The following THSD7A variants were observed in gnomAD, a reference collection of about 807,000 sequenced individuals.
THSD7A encodes the protein thrombospondin type 1 domain containing 7A.
In THSD7A, 96 loss-of-function variants were observed where a neutral mutation model predicts 231.3. The observed-to-expected ratio is 0.41, with a 90% CI of 0.35 to 0.49. The LOEUF is 0.49. THSD7A is among the 20% of genes least tolerant of loss of function. THSD7A has a pLI of 0.05. For synonymous variants in THSD7A, 940 were observed against 743.3 expected (o/e 1.26, Z -4.30); for missense variants, 2,290 against 2,070.2 (o/e 1.11, Z -2.06).
intron 4 of THSD7A, among the ~76,000 whole-genome samples, chr7:11,567,678 A>G (rs1172673917): frequency 6.6e-6 from 1 of 152,172 alleles, no homozygotes; most frequent in African/African-American, 2.4e-5. Context: ...CCTGAGCTGC[A>G]GGATATTTAA....
At position 11,536,169 on chromosome 7, in the gene THSD7A, T is replaced by C. The variant is rs182637212; in HGVS notation, c.1822+5250A>G. Among the ~76,000 whole-genome samples, 652 of 152,306 alleles carry C rather than the reference T, an allele frequency of 4.3e-3. 8 individuals are homozygous for C. Among genetic ancestry groups the C allele is most frequent in the African/African-American group, 0.015 (624 of 41,568 alleles). On this transcript the variant is annotated intron_variant, in intron 6 of 27. Transcript: ENST00000423059. ...TTCAAATAGAATTATTTCAATTTCA[T>C]TGGGAATCCAGGAACCTCCTAAGTG... is the stretch of plus-strand genomic sequence containing the variant.
chr7:11,628,008 A>C (rs756634931), intron 2 of THSD7A, among the ~76,000 whole-genome samples: 3 of 152,162 alleles, frequency 2.0e-5, no homozygotes, highest in Non-Finnish European at 4.4e-5. Flanking sequence ...TAAAGATAAC[A>C]TAAAGCCATA....
At chr7:11,546,722 A>T (rs1411568808) in intron 4 of THSD7A, among the ~76,000 whole-genome samples, 1 of 152,168 alleles carries the variant, frequency 6.6e-6, no homozygotes, top group East Asian at 1.9e-4. Context: ...ACCAGGCTGA[A>T]AAGGCTAAAA....
intron 1 of THSD7A, among the ~76,000 whole-genome samples, chr7:11,663,902 G>A (rs1260215369): frequency 1.3e-5 from 2 of 151,550 alleles, no homozygotes; most frequent in Admixed American, 1.3e-4. Context: ...TTTTGGCCTT[G>A]TAAGATACTG....
chr7:11,667,921 A>C (rs763450083), intron 1 of THSD7A, among the ~76,000 whole-genome samples: 1 of 152,190 alleles, frequency 6.6e-6, no homozygotes, highest in Admixed American at 6.5e-5. Flanking sequence ...ATTAACGTTA[A>C]TGTAACAGCA....
At position 11,554,485 on chromosome 7, in the gene THSD7A, T is replaced by C. The variant is rs577888638; in HGVS notation, c.1454-11368A>G. The stretch of plus-strand genomic sequence containing the variant: ...ATTAAGATGAGGATGTTCTTCTCTA[T>C]TCCTATTTTTTTCTGAGAGTTTATT... On this transcript the variant is annotated intron_variant, in intron 4 of 27. Coordinates refer to ENST00000423059, the MANE Select transcript of THSD7A (RefSeq NM_015204.3). Among the ~76,000 whole-genome samples, 5 of 152,166 alleles carry C rather than the reference T, an allele frequency of 3.3e-5. No homozygotes were observed. The East Asian group carries it at 5.8e-4, about 18-fold the overall frequency.
chr7:11,391,516 T>C (rs1782980292), intron 23 of THSD7A, among the ~76,000 whole-genome samples: 1 of 152,172 alleles, frequency 6.6e-6, no homozygotes, highest in African/African-American at 2.4e-5. Context: ...CAGTGGATCT[T>C]AGCTTGCTGG....
chr7:11,689,754 C>T (rs188274066), intron 1 of THSD7A, among the ~76,000 whole-genome samples: 1 of 147,534 alleles, frequency 6.8e-6, no homozygotes, highest in East Asian at 2.0e-4. Flanking sequence ...GTGAATATAG[C>T]TTTTTATGTA....
intron 6 of THSD7A, among the ~76,000 whole-genome samples, chr7:11,490,591 A>G (rs1786848546): frequency 6.6e-6 from 1 of 152,098 alleles, no homozygotes; most frequent in Non-Finnish European, 1.5e-5. Flanking sequence ...TCAAATGCAC[A>G]TGTATTTTGA....
Position 11,406,358 on chromosome 7 carries a change from G to C in THSD7A, c.4179C>G (p.Leu1393=). 6 of 1,613,858 alleles carry C rather than the reference G, an allele frequency of 3.7e-6. No homozygotes were observed. Among genetic ancestry groups the C allele is most frequent in the African/African-American group, 1.3e-5 (1 of 75,018 alleles). Residue 1393 remains leucine, a synonymous_variant, in exon 22 of 28, where the codon CTC becomes CTG. Coordinates refer to ENST00000423059, the MANE Select transcript of THSD7A (RefSeq NM_015204.3). The surrounding 1 kb of genome is among the most constrained non-coding windows in gnomAD (Gnocchi z 4.7). ...VDEEFCADIE[L]IIDGNKNMVL... ...CCATATTTTTATTACCATCTATAAT[G>C]AGTTCAATGTCAGCACAGAATTCCT...
intron 4 of THSD7A, among the ~76,000 whole-genome samples, chr7:11,556,810 A>G (rs927171993): frequency 3.3e-5 from 5 of 151,964 alleles, no homozygotes; most frequent in African/African-American, 1.2e-4. Flanking sequence ...TCTGACCTAT[A>G]TGGTTTCTGG....
chr7:11,370,784 GC>G lies in THSD7A; in HGVS notation c.*5009del, dbSNP rs1782022554. On this transcript the variant is annotated 3_prime_UTR_variant, in exon 28 of 28. Transcript: ENST00000423059. ...ATAATAATTTATAGAAAGACAGATT[GC>G]AAATTTTAATAAAGTTATATTTTAC... 2 of 152,036 alleles carry G rather than the reference GC, an allele frequency of 1.3e-5. No homozygotes were observed. Among genetic ancestry groups the G allele is most frequent in the African/African-American group, 4.8e-5 (2 of 41,398 alleles). The allele number at this position is 152,036 out of a possible 1,614,324, so 9.4% of individuals were successfully genotyped here.
chr7:11,527,781 T>C (rs1439319111), intron 6 of THSD7A, among the ~76,000 whole-genome samples: 8 of 152,184 alleles, frequency 5.3e-5, no homozygotes, highest in Non-Finnish European at 4.4e-5. Flanking sequence ...CCTCTCTTTC[T>C]ATATCACTTA....
intron 1 of THSD7A, among the ~76,000 whole-genome samples, chr7:11,658,454 T>C (rs2128372041): frequency 6.6e-6 from 1 of 151,514 alleles, no homozygotes; most frequent in East Asian, 2.0e-4. Context: ...TTCACTCAGA[T>C]GGTGTTAATG....
At chr7:11,385,115 A>T (rs1454732245) in intron 23 of THSD7A, 2 of 133,898 alleles carry the variant, frequency 1.5e-5, no homozygotes, top group Admixed American at 7.3e-5. Flanking sequence ...TTTGCTGGTT[A>T]AAAAAAAAAA....
intron 1 of THSD7A, among the ~76,000 whole-genome samples, chr7:11,718,558 C>T (rs950674071): frequency 6.6e-6 from 1 of 151,618 alleles, no homozygotes; most frequent in African/African-American, 2.4e-5. Context: ...AAACAGTGTA[C>T]AATTGTCATA....
chr7:11,499,252 C>A (rs768796584), intron 6 of THSD7A, among the ~76,000 whole-genome samples: 24 of 152,226 alleles, frequency 1.6e-4, no homozygotes, highest in African/African-American at 5.8e-4. Context: ...CAGCACAAAC[C>A]TTCCATCTTG....
intron 1 of THSD7A, among the ~76,000 whole-genome samples, chr7:11,650,761 A>C (rs1269839676): frequency 4.6e-5 from 7 of 152,090 alleles, no homozygotes; most frequent in African/African-American, 1.7e-4. Flanking sequence ...AGGATGCAAA[A>C]TAGCACAGAA....
At chr7:11,647,352 G>A (rs372968470) in intron 1 of THSD7A, among the ~76,000 whole-genome samples, 2 of 151,966 alleles carry the variant, frequency 1.3e-5, no homozygotes, top group Admixed American at 6.6e-5. Context: ...ATCCTACTTC[G>A]CCTGAGAGTT....
Sources: allele counts gnomAD v4.1 joint callset (sites outside exome capture counted in the v4.1 genomes callset), GRCh38; gene constraint gnomAD v4.1.1; non-coding constraint Gnocchi (gnomAD v3.1); transcripts MANE v1.5; gene names NCBI Gene and HGNC (gene_info 2026-07-23, HGNC 2026-07-21).